The following PNPLA7 variants were observed in gnomAD, a reference collection of about 807,000 sequenced individuals.
The protein encoded by PNPLA7 is patatin like domain 7, lysophospholipase.
Under a neutral mutation model 161.7 loss-of-function variants are expected in PNPLA7, and 153 were observed. The ratio of observed to expected loss-of-function variants is 0.95; its 90% CI spans 0.83 to 1.08. The LOEUF (loss-of-function observed/expected upper bound fraction) is 1.08, where lower values mean the gene tolerates loss of function less well. Ranked by LOEUF, PNPLA7 falls within the 50% of genes least tolerant of loss-of-function variation. PNPLA7 has a pLI of 0.00. For synonymous variants in PNPLA7, 809 were observed against 782.1 expected, an observed-to-expected ratio of 1.03 and a Z score of -0.57; for missense variants, 1,739 against 1,856.6, an observed-to-expected ratio of 0.94 and a Z score of 1.16.
rs937106464 is a variant in PNPLA7 at position 137,486,400 on chromosome 9, A to G, written c.2198-1664T>C. 2.0e-5 allele frequency among the ~76,000 whole-genome samples: 3 copies of G among 152,320 alleles called. No homozygotes were observed. Among genetic ancestry groups the G allele is most frequent in the African/African-American group, 7.2e-5 (3 of 41,576 alleles). ...GCACAGCCGGCAATCATGTGCTCAC[A>G]GGAAAATAGCTGATGACGTGCTGCT... On this transcript the variant is annotated intron_variant, in intron 20 of 34. Transcript: ENST00000406427. The surrounding 1 kb of genome is among the most constrained non-coding windows in gnomAD (Gnocchi z 6.0).
At chr9:137,483,919 C>T (rs1832342208) in intron 21 of PNPLA7, among the ~76,000 whole-genome samples, 1 of 151,978 alleles carries the variant, frequency 6.6e-6, no homozygotes, top group Admixed American at 6.6e-5. Context: ...AATAATTATA[C>T]AACATTCATT....
In PNPLA7 at chr9:137,543,884, G is replaced by A; in HGVS notation, c.274-69C>T. On this transcript the variant is annotated intron_variant, in intron 4 of 34. Coordinates refer to ENST00000406427, the MANE Select transcript of PNPLA7 (RefSeq NM_001098537.3). This position sits in a 1 kb window ranked among gnomAD's most constrained non-coding sequence, Gnocchi z 6.9. ...CAAGGTCCAAGCTCTTTGCCATGGGGATCAGTCCTCAGGACCTGCCTGTGG... is the reference window on the plus strand; with the variant it reads ...CAAGGTCCAAGCTCTTTGCCATGGGAATCAGTCCTCAGGACCTGCCTGTGG... The A allele has an allele frequency of 7.3e-7, 1 of 1,377,236 alleles. No homozygotes were observed. 85.3% of individuals were successfully genotyped at this position (1,377,236 alleles called of 1,614,324 possible).
intron 11 of PNPLA7, among the ~76,000 whole-genome samples, chr9:137,519,232 G>A (rs1197000423): frequency 2.0e-5 from 3 of 152,252 alleles, no homozygotes; most frequent in Admixed American, 2.0e-4. Flanking sequence ...CACCTCATCT[G>A]TAGGGTGGCT....
chr9:137,495,733 G>A (rs542392532), intron 18 of PNPLA7, among the ~76,000 whole-genome samples: 61 of 152,150 alleles, frequency 4.0e-4, no homozygotes, highest in Non-Finnish European at 6.2e-4. Flanking sequence ...GTGAGCCGCC[G>A]CGCCCGGCCT....
intron 20 of PNPLA7, among the ~76,000 whole-genome samples, chr9:137,485,307 C>CACT (rs2132171950): frequency 6.6e-6 from 1 of 151,790 alleles, no homozygotes; most frequent in Admixed American, 6.5e-5. Context: ...GAGGCCTCAT[C>CACT]GGAGTAAACC....
At chr9:137,498,349 C>A in intron 16 of PNPLA7, 104 bp from the exon 17 acceptor site, 1 of 1,508,708 alleles carries the variant, frequency 6.6e-7, no homozygotes, top group Non-Finnish European at 8.9e-7. Flanking sequence ...CCCCACCCCA[C>A]CCGGAAAGTA....
intron 22 of PNPLA7, 188 bp downstream of exon 22, chr9:137,480,772 C>A (rs1227947015): frequency 1.3e-6 from 1 of 778,418 alleles, no homozygotes; most frequent in African/African-American, 1.7e-5. Context: ...GGAGGCCTGA[C>A]AGTGCCCAGC....
intron 25 of PNPLA7, among the ~76,000 whole-genome samples, chr9:137,474,349 G>C (rs1403373639): frequency 6.6e-6 from 1 of 152,184 alleles, no homozygotes; most frequent in Non-Finnish European, 1.5e-5. Flanking sequence ...AGCGTGGGGA[G>C]GGCACCATGG....
chr9:137,543,870 C>T lies in PNPLA7; in HGVS notation c.274-55G>A. ...GACCCTGCAAGCCGCAAGGTCCAAG[C>T]TCTTTGCCATGGGGATCAGTCCTCA... On this transcript the variant is annotated intron_variant, in intron 4 of 34. Transcript: ENST00000406427. This position sits in a 1 kb window ranked among gnomAD's most constrained non-coding sequence, Gnocchi z 6.9. 6.8e-7 allele frequency: 1 copy of T among 1,478,714 alleles called. No homozygotes were observed. Among genetic ancestry groups the T allele is most frequent in the South Asian group, 1.1e-5 (1 of 88,138 alleles). The allele number at this position is 1,478,714 out of a possible 1,614,324, so 91.6% of individuals were successfully genotyped here. A position where few individuals can be genotyped will look rare whatever the true frequency, so the allele number is the denominator to read the frequency against.
rs374933775 is a variant in PNPLA7 at position 137,505,772 on chromosome 9, C to A, written c.1327-12G>T. 6.2e-7 allele frequency: 1 copy of A among 1,613,130 alleles called. No homozygotes were observed. The highest frequency in any genetic ancestry group is 1.1e-5 in the South Asian group (1 of 91,052). On this transcript the variant is annotated splice_polypyrimidine_tract_variant and intron_variant, in intron 13 of 34. Coordinates refer to ENST00000406427, the MANE Select transcript of PNPLA7 (RefSeq NM_001098537.3). ...ACGCTTTTCCTGGACTGGAGAAGAA[C>A]GGAGATACCGGCAATTCGAAGGGAT...
At chr9:137,530,418 C>A (rs1835529737) in intron 8 of PNPLA7, among the ~76,000 whole-genome samples, 1 of 152,228 alleles carries the variant, frequency 6.6e-6, no homozygotes, top group Admixed American at 6.5e-5. Flanking sequence ...CCCTTGGGGG[C>A]CCTTCTTCTG....
chr9:137,467,307 G>A lies in PNPLA7; in HGVS notation c.3039+10C>T. On this transcript the variant is annotated intron_variant, in intron 26 of 34. Coordinates refer to ENST00000406427, the MANE Select transcript of PNPLA7 (RefSeq NM_001098537.3). This position sits in a 1 kb window ranked among gnomAD's most constrained non-coding sequence, Gnocchi z 5.1. ...CTGTGCTCCGGTGAGGGTGATGGGT[G>A]CCTGCTTACCTCGGCCCACTGCTTG... The A allele has an allele frequency of 6.2e-7, 1 of 1,609,514 alleles. No homozygotes were observed. The highest frequency in any genetic ancestry group is 8.5e-7 in the Non-Finnish European group (1 of 1,177,988).
At chr9:137,478,797 T>G in intron 24 of PNPLA7, 1 of 433,486 alleles carries the variant, frequency 2.3e-6, no homozygotes, top group Non-Finnish European at 4.1e-6. Flanking sequence ...TTCAGGCCCA[T>G]CCCCGGGGTT....
rs750109387 is a variant in PNPLA7, at chr9:137,497,289, G to A, written c.1911C>T (p.Cys637=). The A allele has an allele frequency of 1.3e-6, 2 of 1,579,720 alleles. No individual in the cohort carries two copies. The highest frequency in any genetic ancestry group is 2.4e-5 in the East Asian group (1 of 42,176). The change falls in exon 18 of 35, where the codon TGC becomes TGT. Residue 637 remains cysteine (C), a synonymous_variant. Coordinates refer to ENST00000406427, the MANE Select transcript of PNPLA7 (RefSeq NM_001098537.3). ...AIYRQGDKSD[C]TYIMLSGRLR... is the part of the protein sequence containing the mutation. ...GCCGGCCGCTGAGCATGATGTACGT[G>A]CAGTCGGACTTGTCCCCCTGCCTGC...
Position 137,506,068 on chromosome 9 carries a change from G to A in PNPLA7, c.1241C>T (p.Ala414Val). Residue 414 changes from alanine (A) to valine (V), a missense_variant, in exon 13 of 35, where the codon GCC (alanine) becomes GTC (valine). By Grantham distance (64) the Ala-to-Val change is moderately conservative. Coordinates refer to ENST00000406427, the MANE Select transcript of PNPLA7 (RefSeq NM_001098537.3). ...PSAPQGGPGS[A>V]TSDLGMACDR... ...ACATGCCATCCCCAGATCAGAAGTG[G>A]CACTGCCTGGGCCCCCTACACACAG... The A allele has an allele frequency of 6.2e-7, 1 of 1,612,488 alleles. No homozygotes were observed. Among genetic ancestry groups the A allele is most frequent in the Non-Finnish European group, 8.5e-7 (1 of 1,179,518 alleles).
intron 25 of PNPLA7, among the ~76,000 whole-genome samples, chr9:137,471,591 C>G (rs1049077675): frequency 3.0e-5 from 4 of 134,688 alleles, no homozygotes; most frequent in African/African-American, 1.2e-4. Flanking sequence ...GAGCAAGACT[C>G]CGTCTCAAAA....
intron 19 of PNPLA7, among the ~76,000 whole-genome samples, chr9:137,494,536 G>A (rs991210821): frequency 5.9e-5 from 9 of 152,128 alleles, no homozygotes; most frequent in African/African-American, 9.7e-5. Context: ...ACCCTCACCC[G>A]CACCACCCTC....
chr9:137,497,786 C>A (rs531461570), intron 17 of PNPLA7, among the ~76,000 whole-genome samples: 2 of 152,274 alleles, frequency 1.3e-5, no homozygotes. Context: ...CTTGGCCTCC[C>A]AAAGTGCTGG....
chr9:137,550,401 C>T lies in PNPLA7; in HGVS notation c.-204G>A. 1.6e-6 allele frequency: 1 copy of T among 630,904 alleles called. No individual in the cohort carries two copies. The highest frequency in any genetic ancestry group is 2.8e-6 in the Non-Finnish European group (1 of 353,920). 39.1% of individuals were successfully genotyped at this position (630,904 alleles called of 1,614,324 possible). A position where few individuals can be genotyped will look rare whatever the true frequency, so the allele number is the denominator to read the frequency against. On this transcript the variant is annotated 5_prime_UTR_variant, in exon 1 of 35. Transcript: ENST00000406427. Reference sequence around the variant, plus strand: ...CTGTCTTTTGAGAAGTGTCTGTCATCTGCTAGGAGCCACCTCCTTCCCTCT... The same window carrying T: ...CTGTCTTTTGAGAAGTGTCTGTCATTTGCTAGGAGCCACCTCCTTCCCTCT...
Sources: allele counts gnomAD v4.1 joint callset (sites outside exome capture counted in the v4.1 genomes callset), GRCh38; gene constraint gnomAD v4.1.1; non-coding constraint Gnocchi (gnomAD v3.1); transcripts MANE v1.5; gene names NCBI Gene and HGNC (gene_info 2026-07-23, HGNC 2026-07-21).